The following PCSK6 variants were observed in gnomAD, a reference collection of about 807,000 sequenced individuals.
PCSK6 encodes the protein paired basic amino acid cleaving enzyme 4.
Under a neutral mutation model 123.3 loss-of-function variants are expected in PCSK6, and 85 were observed. The observed-to-expected ratio is 0.69, with a 90% CI of 0.58 to 0.83. The LOEUF (loss-of-function observed/expected upper bound fraction) is 0.83. Ranked by LOEUF, PCSK6 falls within the 40% of genes least tolerant of loss-of-function variation. The pLI, the probability that PCSK6 is intolerant of heterozygous loss-of-function variation, is 0.00. For missense variants in PCSK6, 1,191 were observed against 1,282.3 expected, an observed-to-expected ratio of 0.93 and a Z score of 1.09; for synonymous variants, 508 against 516.0, an observed-to-expected ratio of 0.98 and a Z score of 0.21.
At chr15:101,322,703 C>A in intron 17 of PCSK6, 96 bp from the exon 18 acceptor site, 2 of 767,554 alleles carry the variant, frequency 2.6e-6, no homozygotes, top group South Asian at 1.5e-5. Flanking sequence ...AGCGGGGGTG[C>A]GGGTGGGCTG....
intron 1 of PCSK6, among the ~76,000 whole-genome samples, chr15:101,474,819 T>C (rs2057690734): frequency 6.6e-6 from 1 of 152,118 alleles, no homozygotes; most frequent in African/African-American, 2.4e-5. Flanking sequence ...CTGCAGCAGC[T>C]CCCCACCACT....
chr15:101,427,110 G>A (rs1183095228), intron 6 of PCSK6, among the ~76,000 whole-genome samples: 1 of 152,198 alleles, frequency 6.6e-6, no homozygotes, highest in Non-Finnish European at 1.5e-5. Context: ...TGGGGAATAG[G>A]AAGACATTCA....
intron 1 of PCSK6, among the ~76,000 whole-genome samples, chr15:101,488,264 A>C (rs920015530): frequency 2.0e-5 from 3 of 152,196 alleles, no homozygotes; most frequent in African/African-American, 7.2e-5. Context: ...CTGAGTGTGT[A>C]GTTTGTAGAT....
At chr15:101,307,353 G>C (rs1567133281) in intron 20 of PCSK6, 28 bp from the exon 21 acceptor site, 1 of 1,556,108 alleles carries the variant, frequency 6.4e-7, no homozygotes, top group African/African-American at 1.4e-5. Flanking sequence ...TCCTGCTGAA[G>C]TCTGGGGAAG....
At position 101,398,660 on chromosome 15, in the gene PCSK6, AG is replaced by A; in HGVS notation, c.824-85del. On this transcript the variant is annotated intron_variant, in intron 6 of 21. Transcript: ENST00000611716. The surrounding 1 kb of genome is among the most constrained non-coding windows in gnomAD (Gnocchi z 4.6). ...AACCCGGGCCCAGGAGGCTCGGATG[AG>A]GACACCGCATCACAGAGTCCCTCCC... The A allele has an allele frequency of 7.0e-7, 1 of 1,431,552 alleles. No homozygotes were observed. Among genetic ancestry groups the A allele is most frequent in the Non-Finnish European group, 9.5e-7 (1 of 1,051,826 alleles). The allele number at this position is 1,431,552 out of a possible 1,614,324, so 88.7% of individuals were successfully genotyped here.
intron 11 of PCSK6, among the ~76,000 whole-genome samples, chr15:101,375,042 T>A (rs916552401): frequency 6.6e-6 from 1 of 151,352 alleles, no homozygotes; most frequent in Non-Finnish European, 1.5e-5. Context: ...AACCTCTGCC[T>A]CCCGGGTTCA....
In PCSK6 at chr15:101,307,224, G is replaced by C; in HGVS notation, c.2801C>G (p.Thr934Arg). 6.2e-7 allele frequency: 1 copy of C among 1,612,584 alleles called. No homozygotes were observed. Among genetic ancestry groups the C allele is most frequent in the Non-Finnish European group, 8.5e-7 (1 of 1,178,798 alleles). The change falls in exon 21 of 22, where the codon ACG becomes AGG. Residue 934 changes from threonine to arginine, a missense_variant. Thr to Arg is a moderately conservative substitution (Grantham distance 71). Transcript: ENST00000611716. ...CAGCTGCTGCTCACCGTTGCTGCAC[G>C]TGTGGTTGGTGATGCAGGAGGTCCC... is the stretch of plus-strand genomic sequence containing the variant. ...QLGTSCITNH[T>R]CSNADETFCE...
At chr15:101,409,860 A>G (rs1438370720) in intron 6 of PCSK6, among the ~76,000 whole-genome samples, 2 of 152,202 alleles carry the variant, frequency 1.3e-5, no homozygotes, top group African/African-American at 4.8e-5. Context: ...TGGGGCACGA[A>G]GCCAGGAGGA....
chr15:101,425,634 A>T (rs1042777865), intron 6 of PCSK6, among the ~76,000 whole-genome samples: 3 of 47,114 alleles, frequency 6.4e-5, no homozygotes, highest in African/African-American at 1.9e-4. Flanking sequence ...GTTTATATAC[A>T]TATATATATA....
intron 15 of PCSK6, among the ~76,000 whole-genome samples, chr15:101,331,287 C>T (rs1246857483): frequency 6.6e-6 from 1 of 152,242 alleles, no homozygotes; most frequent in Admixed American, 6.5e-5. Flanking sequence ...TTCAAGGCAT[C>T]TGTGAAGCAT....
At chr15:101,391,499 C>T (rs1376461097) in intron 8 of PCSK6, among the ~76,000 whole-genome samples, 1 of 152,220 alleles carries the variant, frequency 6.6e-6, no homozygotes, top group African/African-American at 2.4e-5. Context: ...GGACACAGCT[C>T]GTGTTCAGTG....
chr15:101,413,005 TGAGGAGGAGGAGGAGGAGGAG>T (rs925761371), intron 6 of PCSK6, among the ~76,000 whole-genome samples: 2 of 106,026 alleles, frequency 1.9e-5, no homozygotes, highest in African/African-American at 3.9e-5. Context: ...GGAGGAGGAG[TGAGGAGGAGGAGGAGGAGGAG>T]GAGGAGGAGG....
At chr15:101,456,593 G>A (rs2057188231) in intron 1 of PCSK6, among the ~76,000 whole-genome samples, 1 of 152,218 alleles carries the variant, frequency 6.6e-6, no homozygotes. Flanking sequence ...ACAGCAAGAT[G>A]AAGGAGGCAC....
intron 9 of PCSK6, 148 bp downstream of exon 9, chr15:101,389,316 G>A (rs1370264606): frequency 1.2e-5 from 8 of 660,240 alleles, no homozygotes; most frequent in Non-Finnish European, 2.2e-5. Flanking sequence ...CTCTGGGAGA[G>A]GGATGGTGGT....
rs772751992 is a variant in PCSK6 at position 101,398,570 on chromosome 15, C to T, written c.830G>A (p.Arg277His). ...ATCTGTGACATCGCCGTCCAGCATG[C>T]GGATGCCTGAAAGCACAGAGGAGGC... ...IAYNAKIGGIRMLDGDVTDVV... is the reference protein window; with the variant it reads ...IAYNAKIGGIHMLDGDVTDVV... Residue 277 changes from arginine to histidine, a missense_variant, in exon 7 of 22, where the codon CGC becomes CAC. By Grantham distance (29) the Arg-to-His change is conservative. Transcript: ENST00000611716. This position sits in a 1 kb window ranked among gnomAD's most constrained non-coding sequence, Gnocchi z 4.6. The T allele has an allele frequency of 3.7e-6, 6 of 1,611,034 alleles. No homozygotes were observed. The highest frequency in any genetic ancestry group is 4.2e-6 in the Non-Finnish European group (5 of 1,178,456).
chr15:101,454,452 A>T (rs572585771), intron 1 of PCSK6, among the ~76,000 whole-genome samples: 1 of 152,304 alleles, frequency 6.6e-6, no homozygotes, highest in Admixed American at 6.5e-5. Context: ...TGAAAAAGGG[A>T]GGAAACTCTG....
intron 1 of PCSK6, among the ~76,000 whole-genome samples, chr15:101,458,635 G>A (rs1165257445): frequency 7.2e-5 from 11 of 152,046 alleles, no homozygotes; most frequent in East Asian, 5.8e-4. Context: ...CCCGAAGCGC[G>A]ACTGACGGTC....
chr15:101,482,205 G>A (rs2057907124), intron 1 of PCSK6, among the ~76,000 whole-genome samples: 1 of 152,272 alleles, frequency 6.6e-6, no homozygotes, highest in Non-Finnish European at 1.5e-5. Flanking sequence ...TGGCCTGTCA[G>A]TCACTGGTTT....
intron 20 of PCSK6, chr15:101,308,375 C>G (rs2039772878): frequency 6.6e-6 from 1 of 152,368 alleles, no homozygotes; most frequent in African/African-American, 2.4e-5. Flanking sequence ...CCCCTCCCTG[C>G]TGTGTGAAGC....
Sources: allele counts gnomAD v4.1 joint callset (sites outside exome capture counted in the v4.1 genomes callset), GRCh38; gene constraint gnomAD v4.1.1; non-coding constraint Gnocchi (gnomAD v3.1); transcripts MANE v1.5; gene names NCBI Gene and HGNC (gene_info 2026-07-23, HGNC 2026-07-21).